Variants in NEMP2 observed in about 807,000 individuals in gnomAD.
NEMP2 encodes the protein UPF0571 transmembrane protein.
Under a neutral mutation model 54.2 loss-of-function variants are expected in NEMP2, and 53 were observed. The observed-to-expected ratio is 0.98, with a 90% confidence interval of 0.78 to 1.23. NEMP2 has a LOEUF of 1.23. Ranked by LOEUF, NEMP2 falls within the 50% of genes most tolerant of loss-of-function variation. The probability of loss-of-function intolerance (pLI) is 0.00; values close to 1 mark genes in which losing one functional copy is unlikely to be tolerated. For synonymous variants in NEMP2, 197 were observed against 190.3 expected, an observed-to-expected ratio of 1.04 and a Z score of -0.29; for missense variants, 455 against 511.3, an observed-to-expected ratio of 0.89 and a Z score of 1.06.
At chr2:190,465,023 C>T in the NEMP2 span, 2 of 595,148 alleles carry the variant, frequency 3.4e-6, no homozygotes, top group Non-Finnish European at 4.2e-6. The surrounding 1 kb of genome is among the most constrained non-coding windows in gnomAD (Gnocchi z 4.6). Flanking sequence ...TTCATTGTAT[C>T]TATATCTTGA....
chr2:190,465,455 C>T, the NEMP2 span, among the ~76,000 whole-genome samples: 1 of 151,888 alleles, frequency 6.6e-6, no homozygotes, highest in Non-Finnish European at 1.5e-5. The surrounding 1 kb of genome is among the most constrained non-coding windows in gnomAD (Gnocchi z 4.6). Flanking sequence ...TATTTCCAGA[C>T]ATCAGTGCCC....
chr2:190,579,492 A>G, the NEMP2 span, among the ~76,000 whole-genome samples: 4 of 152,118 alleles, frequency 2.6e-5, no homozygotes, highest in Non-Finnish European at 4.4e-5. Flanking sequence ...ATTATGCAAA[A>G]ACTCTGAGAT....
At chr2:190,608,792 C>A in the NEMP2 span, 1 of 152,142 alleles carries the variant, frequency 6.6e-6, no homozygotes, top group Non-Finnish European at 1.5e-5. This position sits in a 1 kb window ranked among gnomAD's most constrained non-coding sequence, Gnocchi z 4.9. Flanking sequence ...GCGAGAGAGA[C>A]CACATGCGTA....
chr2:190,619,285 A>G, the NEMP2 span, among the ~76,000 whole-genome samples: 2 of 151,478 alleles, frequency 1.3e-5, no homozygotes, highest in African/African-American at 4.9e-5. The surrounding 1 kb of genome is among the most constrained non-coding windows in gnomAD (Gnocchi z 5.5). Context: ...GCTGAGGCAG[A>G]AGGATCACTG....
the NEMP2 span, among the ~76,000 whole-genome samples, chr2:190,581,560 A>T: frequency 6.6e-6 from 1 of 152,196 alleles, no homozygotes; most frequent in African/African-American, 2.4e-5. Flanking sequence ...ACACTTTTTA[A>T]AGTGCGTGCA....
chr2:190,467,896 C>T, the NEMP2 span, among the ~76,000 whole-genome samples: 1 of 152,222 alleles, frequency 6.6e-6, no homozygotes, highest in African/African-American at 2.4e-5. The surrounding 1 kb of genome is among the most constrained non-coding windows in gnomAD (Gnocchi z 5.5). Context: ...GCTACAGCAG[C>T]AGAGCTGAGG....
chr2:190,619,947 G>A, the NEMP2 span, among the ~76,000 whole-genome samples: 1 of 152,172 alleles, frequency 6.6e-6, no homozygotes, highest in African/African-American at 2.4e-5. This position sits in a 1 kb window ranked among gnomAD's most constrained non-coding sequence, Gnocchi z 5.5. Context: ...TACCTCGGTG[G>A]CCAGCCCTGC....
chr2:190,482,868 C>CTTTTTT, the NEMP2 span, among the ~76,000 whole-genome samples: 18 of 48,282 alleles, frequency 3.7e-4, 1 homozygote, highest in Admixed American at 1.0e-3. Flanking sequence ...AGACTATCAT[C>CTTTTTT]TTTTTTTTTT....
At chr2:190,492,778 C>T in the NEMP2 span, among the ~76,000 whole-genome samples, 1 of 151,864 alleles carries the variant, frequency 6.6e-6, no homozygotes. This position sits in a 1 kb window ranked among gnomAD's most constrained non-coding sequence, Gnocchi z 5.2. Flanking sequence ...CAAGCCAGCA[C>T]TCCAAGAACT....
In NEMP2 at chr2:190,533,458, T is replaced by TA. The variant is rs1256786576; in HGVS notation, c.97+1100dup. Among the ~76,000 whole-genome samples, 7 of 152,238 alleles carry TA rather than the reference T, an allele frequency of 4.6e-5. No individual in the cohort carries two copies. The highest frequency in any genetic ancestry group is 1.7e-4 in the African/African-American group (7 of 41,464). ...TGATAGATACTGCAGTTAAAGCACT[T>TA]ATAACACTGCCTAGCACATACTGAA... is the stretch of plus-strand genomic sequence containing the variant. On this transcript the variant is annotated intron_variant, in intron 1 of 8. Coordinates refer to ENST00000409150, the MANE Select transcript of NEMP2 (RefSeq NM_001142645.2). This position sits in a 1 kb window ranked among gnomAD's most constrained non-coding sequence, Gnocchi z 4.3.
chr2:190,479,057 T>G, the NEMP2 span, among the ~76,000 whole-genome samples: 6 of 152,184 alleles, frequency 3.9e-5, no homozygotes, highest in Non-Finnish European at 8.8e-5. Flanking sequence ...TCTTGCAGTT[T>G]CTTGATTGTC....
Position 190,512,758 on chromosome 2 carries a change from C to T in NEMP2, c.953+1695G>A, listed in dbSNP as rs953564786. On this transcript the variant is annotated intron_variant, in intron 7 of 8. Transcript: ENST00000409150. This position sits in a 1 kb window ranked among gnomAD's most constrained non-coding sequence, Gnocchi z 4.5. ...CACTGACAAAAGACCTCTGGTGTTC[C>T]GAGTCACTGTTTGCCTCGGGCAGAT... 4.6e-5 allele frequency among the ~76,000 whole-genome samples: 7 copies of T among 152,170 alleles called. No homozygotes were observed. The highest frequency in any genetic ancestry group is 7.4e-5 in the Non-Finnish European group (5 of 68,020).
the NEMP2 span, among the ~76,000 whole-genome samples, chr2:190,545,190 T>C: frequency 6.6e-6 from 1 of 152,200 alleles, no homozygotes. Context: ...ATAAATAAAA[T>C]TTCCCAGCAT....
the NEMP2 span, among the ~76,000 whole-genome samples, chr2:190,549,585 T>C: frequency 6.6e-5 from 10 of 152,190 alleles, no homozygotes; most frequent in African/African-American, 2.4e-4. Flanking sequence ...AACTCATGGA[T>C]TTCTATATAT....
At chr2:190,608,115 C>T in the NEMP2 span, 1 of 152,196 alleles carries the variant, frequency 6.6e-6, no homozygotes, top group Non-Finnish European at 1.5e-5. The surrounding 1 kb of genome is among the most constrained non-coding windows in gnomAD (Gnocchi z 4.9). Context: ...TGAATCATCC[C>T]TTTGTCCCCC....
Position 190,528,595 on chromosome 2 carries a change from C to G in NEMP2, c.98-3217G>C, listed in dbSNP as rs966159926. 2.0e-5 allele frequency among the ~76,000 whole-genome samples: 3 copies of G among 152,168 alleles called. No individual in the cohort carries two copies. Among genetic ancestry groups the G allele is most frequent in the African/African-American group, 7.2e-5 (3 of 41,436 alleles). On this transcript the variant is annotated intron_variant, in intron 1 of 8. Coordinates refer to ENST00000409150, the MANE Select transcript of NEMP2 (RefSeq NM_001142645.2). This position sits in a 1 kb window ranked among gnomAD's most constrained non-coding sequence, Gnocchi z 4.3. Reference sequence around the variant, plus strand: ...GGTCTTTCTTCACCACCCATGTGCTCAATGCTAGATGGGCTTTTCTTGTGG... The same window carrying G: ...GGTCTTTCTTCACCACCCATGTGCTGAATGCTAGATGGGCTTTTCTTGTGG...
rs1452897574 is a variant in NEMP2, at chr2:190,519,982, G to GT, written c.214-800dup. ...TATTTCTTAAATTAAGGTATGTAGG[G>GT]TTTTTTTAAAGATATAATTCTATTG... On this transcript the variant is annotated intron_variant, in intron 2 of 8. Coordinates refer to ENST00000409150, the MANE Select transcript of NEMP2 (RefSeq NM_001142645.2). This position sits in a 1 kb window ranked among gnomAD's most constrained non-coding sequence, Gnocchi z 5.4. Among the ~76,000 whole-genome samples the GT allele has an allele frequency of 2.0e-5, 3 of 151,928 alleles. No individual in the cohort carries two copies. The highest frequency in any genetic ancestry group is 4.4e-5 in the Non-Finnish European group (3 of 67,972).
chr2:190,519,318 C>T lies in NEMP2; in HGVS notation c.214-135G>A. On this transcript the variant is annotated intron_variant, in intron 2 of 8. Transcript: ENST00000409150. The surrounding 1 kb of genome is among the most constrained non-coding windows in gnomAD (Gnocchi z 5.4). ...CTCACTGCAACCTGTGCCTCCAGGGCTCAGGTGACCCTCCCACTTCAGCCT... is the reference window on the plus strand; with the variant it reads ...CTCACTGCAACCTGTGCCTCCAGGGTTCAGGTGACCCTCCCACTTCAGCCT... The T allele has an allele frequency of 1.8e-5, 11 of 625,104 alleles. No individual in the cohort carries two copies. The highest frequency in any genetic ancestry group is 2.7e-5 in the Non-Finnish European group (10 of 364,284). The allele number at this position is 625,104 out of a possible 1,614,324, so 38.7% of individuals were successfully genotyped here.
At chr2:190,600,927 T>C in the NEMP2 span, among the ~76,000 whole-genome samples, 1 of 152,140 alleles carries the variant, frequency 6.6e-6, no homozygotes, top group Non-Finnish European at 1.5e-5. The surrounding 1 kb of genome is among the most constrained non-coding windows in gnomAD (Gnocchi z 4.9). Flanking sequence ...CCAGCATCCC[T>C]GCCCACTTGT....
Sources: gnomAD v4.1 joint callset for allele counts (sites outside exome capture counted in the v4.1 genomes callset) on GRCh38, gnomAD v4.1.1 for gene constraint, Gnocchi (gnomAD v3.1) non-coding constraint, MANE v1.5 for transcripts, NCBI Gene and HGNC (gene_info 2026-07-23, HGNC 2026-07-21) for gene names.